MICAL3: variants seen among roughly 807,000 people sequenced by gnomAD.
MICAL3 encodes [F-actin]-monooxygenase MICAL3.
Under a neutral mutation model 207.4 loss-of-function variants are expected in MICAL3, and 62 were observed. The observed-to-expected ratio is 0.30, with a 90% CI of 0.24 to 0.37. The LOEUF (loss-of-function observed/expected upper bound fraction) is 0.37, where lower values mean the gene tolerates loss of function less well. Ranked by LOEUF, MICAL3 falls within the 10% of genes least tolerant of loss-of-function variation. The pLI is 1.00. For synonymous variants in MICAL3, 1,077 were observed against 1,069.3 expected (o/e 1.01, Z -0.14); for missense variants, 2,368 against 2,635.6 (o/e 0.90, Z 2.22).
At chr22:18,020,419 A>G (rs1924390827) in intron 1 of MICAL3, among the ~76,000 whole-genome samples, 1 of 151,370 alleles carries the variant, frequency 6.6e-6, no homozygotes, top group Admixed American at 6.6e-5. Context: ...TTTTCAATTT[A>G]TATATGGTAT....
chr22:17,803,164 A>AG (rs2061956777), intron 29 of MICAL3, among the ~76,000 whole-genome samples: 1 of 152,170 alleles, frequency 6.6e-6, no homozygotes, highest in Non-Finnish European at 1.5e-5. Flanking sequence ...CTGCTGGTCC[A>AG]GGGACCACAC....
chr22:17,942,869 G>A (rs796451450), intron 1 of MICAL3, among the ~76,000 whole-genome samples: 2 of 152,192 alleles, frequency 1.3e-5, no homozygotes, highest in Non-Finnish European at 2.9e-5. Flanking sequence ...CTGCACGACC[G>A]TCCTCTCTAC....
chr22:17,835,477 C>T (rs913221389), intron 20 of MICAL3, among the ~76,000 whole-genome samples: 1 of 152,226 alleles, frequency 6.6e-6, no homozygotes, highest in African/African-American at 2.4e-5. Context: ...TCCTGTGCGT[C>T]ACACACAAGA....
rs200328549 is a variant in MICAL3 at position 17,827,700 on chromosome 22, C to T, written c.3137G>A (p.Arg1046His). Residue 1046 changes from arginine to histidine, a missense_variant, in exon 22 of 32, where the codon CGT (arginine) becomes CAT (histidine). Physicochemically the swap from Arg to His is conservative, Grantham distance 29. Around this residue, in one of 4 missense-constraint regions of MICAL3, gnomAD observed 1,770 missense variants for 1,863.2 expected, o/e 0.95. Transcript: ENST00000441493. The stretch of plus-strand genomic sequence containing the variant: ...CATCCTCTCTTCCTCCTCTCTCTCA[C>T]GGATATGAGTCCAGTGCACGTCAGC... ...IQADVHWTHI[R>H]EREEEERMAP... The T allele has an allele frequency of 3.7e-5, 58 of 1,581,900 alleles. No homozygotes were observed. Among genetic ancestry groups the T allele is most frequent in the African/African-American group, 6.7e-5 (5 of 74,108 alleles).
intron 17 of MICAL3, among the ~76,000 whole-genome samples, chr22:17,870,121 G>C (rs5992881): frequency 0.23 from 35,350 of 152,066 alleles, 5,762 homozygotes; most frequent in African/African-American, 0.46. Flanking sequence ...TTAAAATTTG[G>C]GGAGCTGGTT....
At chr22:17,808,288 C>A (rs143301122) in intron 29 of MICAL3, among the ~76,000 whole-genome samples, 1 of 152,270 alleles carries the variant, frequency 6.6e-6, no homozygotes, top group African/African-American at 2.4e-5. Flanking sequence ...ATACCCTGAG[C>A]CTCTCCAGCC....
chr22:17,972,612 G>C (rs912945517), intron 1 of MICAL3, among the ~76,000 whole-genome samples: 1 of 152,172 alleles, frequency 6.6e-6, no homozygotes, highest in Non-Finnish European at 1.5e-5. Flanking sequence ...CCACAGGTCA[G>C]GGTCCGGGGC....
chr22:17,984,312 C>T (rs1936056006), intron 1 of MICAL3, among the ~76,000 whole-genome samples: 1 of 152,264 alleles, frequency 6.6e-6, no homozygotes, highest in Non-Finnish European at 1.5e-5. Context: ...CAACCACCTG[C>T]TGCCAGCCAG....
intron 19 of MICAL3, among the ~76,000 whole-genome samples, chr22:17,844,897 C>T (rs983827661): frequency 1.3e-5 from 2 of 152,192 alleles, no homozygotes; most frequent in African/African-American, 4.8e-5. Flanking sequence ...CCTGCCCTCC[C>T]AGGCCTGGGA....
chr22:17,953,750 G>A (rs1934461094), intron 1 of MICAL3, among the ~76,000 whole-genome samples: 1 of 151,524 alleles, frequency 6.6e-6, no homozygotes, highest in Non-Finnish European at 1.5e-5. Flanking sequence ...GACCAACAAG[G>A]TGAAACCCCG....
intron 1 of MICAL3, among the ~76,000 whole-genome samples, chr22:17,984,125 C>T (rs903391476): frequency 7.2e-5 from 11 of 152,142 alleles, no homozygotes; most frequent in African/African-American, 2.7e-4. Flanking sequence ...TCTTAGAAGC[C>T]ACTCCTGCCA....
At chr22:18,015,416 A>G (rs1418990619) in intron 1 of MICAL3, among the ~76,000 whole-genome samples, 2 of 135,548 alleles carry the variant, frequency 1.5e-5, no homozygotes, top group African/African-American at 5.7e-5. Context: ...AAGATTTAAG[A>G]CTCATCTTTT....
intron 11 of MICAL3, among the ~76,000 whole-genome samples, chr22:17,892,109 C>T (rs1115124): frequency 0.22 from 32,931 of 152,126 alleles, 3,582 homozygotes; most frequent in East Asian, 0.27. Flanking sequence ...ACCCAGGCCT[C>T]GCCCTTGCAC....
At chr22:17,865,524 C>A (rs533884485) in intron 18 of MICAL3, among the ~76,000 whole-genome samples, 2 of 152,326 alleles carry the variant, frequency 1.3e-5, no homozygotes, top group Non-Finnish European at 2.9e-5. Context: ...GTGGGGCCAC[C>A]GAGGGATCCT....
chr22:17,996,134 TAAAAA>T (rs35369164), intron 1 of MICAL3, among the ~76,000 whole-genome samples: 1 of 93,618 alleles, frequency 1.1e-5, no homozygotes. Context: ...TGTCTCAATT[TAAAAA>T]AAAAAAAAAA....
chr22:17,866,601 C>CACAGAACAGA (rs1556037315), intron 17 of MICAL3, among the ~76,000 whole-genome samples: 5 of 73,578 alleles, frequency 6.8e-5, no homozygotes, highest in Admixed American at 1.4e-4. Flanking sequence ...AAGGGAACAG[C>CACAGAACAGA]ATAGAACAGA....
chr22:17,797,476 T>A (rs529344188), intron 29 of MICAL3, among the ~76,000 whole-genome samples: 3 of 152,096 alleles, frequency 2.0e-5, no homozygotes, highest in African/African-American at 7.2e-5. Flanking sequence ...CCTGGGTGAG[T>A]GAGACCCTAT....
At chr22:17,986,952 A>G (rs1163747572) in intron 1 of MICAL3, among the ~76,000 whole-genome samples, 1 of 152,002 alleles carries the variant, frequency 6.6e-6, no homozygotes, top group Non-Finnish European at 1.5e-5. Context: ...TGGAAGAATC[A>G]TTTTCGACTG....
chr22:17,963,435 T>C (rs1935007510), intron 1 of MICAL3, among the ~76,000 whole-genome samples: 4 of 152,080 alleles, frequency 2.6e-5, no homozygotes, highest in Non-Finnish European at 1.5e-5. Context: ...TGCCTTCACA[T>C]AAATGCGGGC....
Sources: allele counts gnomAD v4.1 joint callset (sites outside exome capture counted in the v4.1 genomes callset), GRCh38; gene constraint gnomAD v4.1.1; regional missense constraint gnomAD v4.1.1; transcripts MANE v1.5; gene names NCBI Gene and HGNC (gene_info 2026-07-23, HGNC 2026-07-21).